Variants in C16orf87 observed in about 807,000 individuals in gnomAD.
C16orf87 encodes the protein HDAC and MIER1 interacting protein 1, also known as UPF0547 protein C16orf87.
A neutral mutation model predicts 21.0 loss-of-function variants in C16orf87; 13 were observed. The observed-to-expected ratio is 0.62, with a 90% CI of 0.40 to 0.98. C16orf87 has a LOEUF of 0.98. Ranked by LOEUF, C16orf87 falls within the 50% of genes least tolerant of loss-of-function variation. C16orf87 has a pLI of 0.00. For synonymous variants in C16orf87, 49 were observed against 60.2 expected (o/e 0.81, Z 0.86); for missense variants, 113 against 180.4 (o/e 0.63, Z 2.14).
rs1967701557 is a variant in C16orf87, at chr16:46,799,065, A to G, written c.*3887T>C. The G allele has an allele frequency of 6.6e-6, 1 of 152,242 alleles. No homozygotes were observed. The highest frequency in any genetic ancestry group is 2.4e-5 in the African/African-American group (1 of 41,474). The allele number at this position is 152,242 out of a possible 1,614,324, so 9.4% of individuals were successfully genotyped here. A position where few individuals can be genotyped will look rare whatever the true frequency, so the allele number is the denominator to read the frequency against. On this transcript the variant is annotated 3_prime_UTR_variant, in exon 4 of 4. Coordinates refer to ENST00000285697, the MANE Select transcript of C16orf87 (RefSeq NM_001001436.4). ...TATAGAAATTATCAATAAAAGAACA[A>G]AACAGATTCCTTAATAATGCAAAAG... is the stretch of plus-strand genomic sequence containing the variant.
At chr16:46,817,933 A>C (rs893761013) in intron 2 of C16orf87, among the ~76,000 whole-genome samples, 18 of 150,924 alleles carry the variant, frequency 1.2e-4, no homozygotes, top group Non-Finnish European at 2.1e-4. Context: ...AAAAAAAAAA[A>C]AAAAAACCAC....
chr16:46,829,249 C>A (rs1959750581), intron 1 of C16orf87, among the ~76,000 whole-genome samples: 1 of 152,102 alleles, frequency 6.6e-6, no homozygotes, highest in Non-Finnish European at 1.5e-5. Flanking sequence ...AGAACATAAT[C>A]ATGCTTTTGT....
At chr16:46,806,092 T>C (rs1171315454) in intron 3 of C16orf87, among the ~76,000 whole-genome samples, 1 of 152,142 alleles carries the variant, frequency 6.6e-6, no homozygotes, top group African/African-American at 2.4e-5. Flanking sequence ...CTCTCATTTT[T>C]AGCCTCAATT....
chr16:46,825,508 G>A lies in C16orf87; in HGVS notation c.67-1026C>T, dbSNP rs751028593. Among the ~76,000 whole-genome samples, 13 of 152,174 alleles carry A rather than the reference G, an allele frequency of 8.5e-5. No homozygotes were observed. In the South Asian group the frequency reaches 1.2e-3, roughly 15 times the overall value. On this transcript the variant is annotated intron_variant, in intron 1 of 3. Transcript: ENST00000285697. Reference sequence around the variant, plus strand: ...GTACACTAATATAGACATGCAATGCGTAACAATCACATCATGGAAAATTGG... The same window carrying A: ...GTACACTAATATAGACATGCAATGCATAACAATCACATCATGGAAAATTGG...
At chr16:46,826,285 A>G (rs1959616073) in intron 1 of C16orf87, among the ~76,000 whole-genome samples, 1 of 152,224 alleles carries the variant, frequency 6.6e-6, no homozygotes, top group Non-Finnish European at 1.5e-5. Flanking sequence ...CTTGGAATCA[A>G]GACATGTTCA....
chr16:46,819,067 A>G (rs1474174276), intron 2 of C16orf87, among the ~76,000 whole-genome samples: 2 of 152,186 alleles, frequency 1.3e-5, no homozygotes, highest in African/African-American at 4.8e-5. Context: ...AAACTCACAA[A>G]AACTCTGTAA....
chr16:46,813,501 A>G (rs1234026525), intron 2 of C16orf87, among the ~76,000 whole-genome samples: 2 of 151,864 alleles, frequency 1.3e-5, no homozygotes, highest in Non-Finnish European at 2.9e-5. Context: ...AAAAAAATCA[A>G]ACTGCATAGC....
intron 2 of C16orf87, among the ~76,000 whole-genome samples, chr16:46,822,849 GAC>G (rs1959473107): frequency 2.0e-5 from 3 of 152,020 alleles, no homozygotes; most frequent in African/African-American, 7.2e-5. Context: ...CCATCTCAGG[GAC>G]AGTTTCTCCT....
chr16:46,828,590 T>C (rs780945704), intron 1 of C16orf87, among the ~76,000 whole-genome samples: 4 of 152,350 alleles, frequency 2.6e-5, no homozygotes, highest in South Asian at 2.1e-4. Flanking sequence ...TACAAAGCAG[T>C]TGAAAATCTA....
Position 46,814,877 on chromosome 16 carries a change from T to C in C16orf87, c.164-5092A>G, listed in dbSNP as rs112265038. On this transcript the variant is annotated intron_variant, in intron 2 of 3. Transcript: ENST00000285697. ...ATTTTTGCAGAAACAGAAAAACCCA[T>C]CCTAAAATTCACATGGAATCCCAAG... Among the ~76,000 whole-genome samples the C allele has an allele frequency of 3.4e-3, 523 of 152,132 alleles. 5 individuals are homozygous for C. The highest frequency in any genetic ancestry group is 0.017 in the Middle Eastern group (5 of 294).
intron 3 of C16orf87, among the ~76,000 whole-genome samples, chr16:46,806,398 G>C (rs1351644712): frequency 2.6e-5 from 4 of 151,520 alleles, no homozygotes; most frequent in Non-Finnish European, 5.9e-5. Flanking sequence ...GCTGGGACTA[G>C]AGGCACGCAC....
chr16:46,810,722 A>G (rs1968055189), intron 2 of C16orf87, among the ~76,000 whole-genome samples: 1 of 152,238 alleles, frequency 6.6e-6, no homozygotes, highest in Admixed American at 6.5e-5. Context: ...ATCCTTGGAG[A>G]ATTAATCTGA....
Position 46,798,838 on chromosome 16 carries a change from T to C in C16orf87, c.*4114A>G, listed in dbSNP as rs921963420. The C allele has an allele frequency of 1.3e-5, 2 of 151,914 alleles. No homozygotes were observed. The highest frequency in any genetic ancestry group is 2.9e-5 in the Non-Finnish European group (2 of 67,982). The allele number at this position is 151,914 out of a possible 1,614,324, so 9.4% of individuals were successfully genotyped here. On this transcript the variant is annotated 3_prime_UTR_variant, in exon 4 of 4. Coordinates refer to ENST00000285697, the MANE Select transcript of C16orf87 (RefSeq NM_001001436.4). The stretch of plus-strand genomic sequence containing the variant: ...TCCTATCAATTATGCAGAAAAAGCA[T>C]CTGACAAAATTCAACATCTGTTCCT...
At chr16:46,813,704 T>C (rs1334071310) in intron 2 of C16orf87, among the ~76,000 whole-genome samples, 1 of 152,186 alleles carries the variant, frequency 6.6e-6, no homozygotes, top group Non-Finnish European at 1.5e-5. Context: ...GCTGAGTCTA[T>C]GTATACGCTA....
chr16:46,803,171 TATA>T (rs1967827681), intron 3 of C16orf87, 101 bp from the exon 4 acceptor site: 1 of 586,568 alleles, frequency 1.7e-6, no homozygotes, highest in Non-Finnish European at 3.0e-6. Flanking sequence ...CAGTATTATA[TATA>T]ATACTACAAT....
intron 1 of C16orf87, among the ~76,000 whole-genome samples, chr16:46,824,955 C>T (rs1443392888): frequency 1.3e-5 from 2 of 152,150 alleles, no homozygotes; most frequent in Non-Finnish European, 2.9e-5. Flanking sequence ...TGAGCCACCA[C>T]ACCCGGCCTG....
intron 2 of C16orf87, among the ~76,000 whole-genome samples, chr16:46,814,572 C>G (rs1289267310): frequency 6.6e-6 from 1 of 152,144 alleles, no homozygotes; most frequent in Non-Finnish European, 1.5e-5. Context: ...CACTAAACTC[C>G]CAATTATACA....
At position 46,831,151 on chromosome 16, in the gene C16orf87, C is replaced by T. The variant is rs1959847108; in HGVS notation, c.-2G>A. The T allele has an allele frequency of 3.2e-6, 5 of 1,569,938 alleles. No individual in the cohort carries two copies. The East Asian group carries it at 7.4e-5, about 23-fold the overall frequency. ...TTTCTTGGCTCGAGTTGCAGACATGCTCCTCTCCCTTAGCGGCGGCAGCAG... is the reference window on the plus strand; with the variant it reads ...TTTCTTGGCTCGAGTTGCAGACATGTTCCTCTCCCTTAGCGGCGGCAGCAG... On this transcript the variant is annotated 5_prime_UTR_variant, in exon 1 of 4. Coordinates refer to ENST00000285697, the MANE Select transcript of C16orf87 (RefSeq NM_001001436.4).
At position 46,799,614 on chromosome 16, in the gene C16orf87, T is replaced by A. The variant is rs1211845214; in HGVS notation, c.*3338A>T. ...GAAGAACACAATTTGGCAGAATGAC[T>A]ACCTGTATCTAGAGCATATTTTGAA... On this transcript the variant is annotated 3_prime_UTR_variant, in exon 4 of 4. Coordinates refer to ENST00000285697, the MANE Select transcript of C16orf87 (RefSeq NM_001001436.4). 6.6e-6 allele frequency: 1 copy of A among 152,240 alleles called. No homozygotes were observed. The highest frequency in any genetic ancestry group is 6.5e-5 in the Admixed American group (1 of 15,280). 9.4% of individuals were successfully genotyped at this position (152,240 alleles called of 1,614,324 possible). A position where few individuals can be genotyped will look rare whatever the true frequency, so the allele number is the denominator to read the frequency against.
Sources: gnomAD v4.1 joint callset for allele counts (sites outside exome capture counted in the v4.1 genomes callset) on GRCh38, gnomAD v4.1.1 for gene constraint, MANE v1.5 for transcripts, NCBI Gene and HGNC (gene_info 2026-07-23, HGNC 2026-07-21) for gene names.